The following COL9A1 variants were observed in gnomAD, a reference collection of about 807,000 sequenced individuals.
The protein encoded by COL9A1 is collagen alpha-1(IX) chain.
A neutral mutation model predicts 142.6 loss-of-function variants in COL9A1; 104 were observed. That is an observed-to-expected ratio of 0.73 (90% CI 0.62 to 0.86). The LOEUF (loss-of-function observed/expected upper bound fraction) is 0.86, where lower values mean the gene tolerates loss of function less well. Ranked by LOEUF, COL9A1 falls within the 40% of genes least tolerant of loss-of-function variation. The pLI is 0.00. For synonymous variants in COL9A1, 466 were observed against 396.0 expected (o/e 1.18, Z -2.10); for missense variants, 1,210 against 1,176.6 (o/e 1.03, Z -0.42).
intron 25 of COL9A1, among the ~76,000 whole-genome samples, chr6:70,253,762 C>T (rs1771098805): frequency 6.6e-6 from 1 of 152,140 alleles, no homozygotes; most frequent in Non-Finnish European, 1.5e-5. Flanking sequence ...CTAGGCAGGA[C>T]AGAGGCTACA....
intron 25 of COL9A1, 56 bp from the exon 26 acceptor site, chr6:70,253,485 A>T: frequency 7.9e-7 from 1 of 1,270,744 alleles, no homozygotes; most frequent in Non-Finnish European, 1.2e-6. Flanking sequence ...AATCCATGAG[A>T]TGCCAAGCCC....
chr6:70,233,763 G>A, intron 35 of COL9A1, among the ~76,000 whole-genome samples: 1 of 152,102 alleles, frequency 6.6e-6, no homozygotes, highest in Non-Finnish European at 1.5e-5. Flanking sequence ...TTCCTATTTG[G>A]TTCTGGAAAA....
chr6:70,268,807 C>T lies in COL9A1; in HGVS notation c.1284G>A (p.Met428Ile). 2 of 1,613,606 alleles carry T rather than the reference C, an allele frequency of 1.2e-6. No individual in the cohort carries two copies. The highest frequency in any genetic ancestry group is 1.7e-6 in the Non-Finnish European group (2 of 1,179,622). Residue 428 changes from methionine (M) to isoleucine (I), a missense_variant, in exon 17 of 38, where the codon ATG becomes ATA. Transcript: ENST00000357250. ...ATACTGGAAGTTATTCTCTTACCCTCATGCCTGGTAGGCCTGGATATCCTG... is the reference window on the plus strand; with the variant it reads ...ATACTGGAAGTTATTCTCTTACCCTTATGCCTGGTAGGCCTGGATATCCTG... The part of the protein sequence containing the change: ...GRSGYPGLPG[M>I]RGHKGAKGEI...
chr6:70,223,459 A>C (rs1769016124), intron 37 of COL9A1, among the ~76,000 whole-genome samples: 1 of 152,238 alleles, frequency 6.6e-6, no homozygotes, highest in Non-Finnish European at 1.5e-5. Flanking sequence ...AGTTAGTGGC[A>C]TAGTCAAAAC....
intron 28 of COL9A1, among the ~76,000 whole-genome samples, chr6:70,244,067 C>T (rs778322677): frequency 2.6e-5 from 4 of 152,158 alleles, no homozygotes; most frequent in Non-Finnish European, 4.4e-5. Flanking sequence ...GATCCATAAA[C>T]CTTCTGAATT....
chr6:70,258,533 G>A (rs747760011), intron 20 of COL9A1: 2 of 152,212 alleles, frequency 1.3e-5, no homozygotes, highest in African/African-American at 2.4e-5. Flanking sequence ...AGAGCAAAAA[G>A]CATTCTACAC....
intron 28 of COL9A1, 66 bp downstream of exon 28, chr6:70,252,054 G>A (rs1770977366): frequency 6.7e-6 from 10 of 1,493,574 alleles, no homozygotes; most frequent in Non-Finnish European, 9.3e-6. Flanking sequence ...ATGGATGAAT[G>A]AATGGAAGAA....
chr6:70,241,320 A>G (rs923048905), intron 31 of COL9A1, 99 bp downstream of exon 31: 4 of 980,960 alleles, frequency 4.1e-6, no homozygotes, highest in South Asian at 3.8e-5. Context: ...GTTAGCCTTC[A>G]TGGTTTTATT....
intron 18 of COL9A1, 99 bp downstream of exon 18, chr6:70,266,618 A>T (rs1772033409): frequency 1.1e-6 from 1 of 945,622 alleles, no homozygotes; most frequent in Admixed American, 1.7e-5. Context: ...ATGGTAAAAT[A>T]TCGAGGTTCA....
In COL9A1 at chr6:70,281,387, T is replaced by G. The variant is rs1562324444; in HGVS notation, c.876+3A>C. The G allele has an allele frequency of 6.2e-7, 1 of 1,610,516 alleles. No individual in the cohort carries two copies. The highest frequency in any genetic ancestry group is 8.5e-7 in the Non-Finnish European group (1 of 1,178,460). ...CAGAGGTGGCCTGGAGATAGAAACT[T>G]ACGTCGATGCCATCGATGCCTGGAA... is the stretch of plus-strand genomic sequence containing the variant. On this transcript the variant is annotated splice_donor_region_variant and intron_variant, in intron 8 of 37. Transcript: ENST00000357250.
intron 18 of COL9A1, among the ~76,000 whole-genome samples, chr6:70,264,515 T>G (rs562186096): frequency 6.6e-6 from 1 of 152,136 alleles, no homozygotes; most frequent in South Asian, 2.1e-4. Context: ...GCACAGATAA[T>G]CATCATGTGT....
intron 37 of COL9A1, 47 bp downstream of exon 37, chr6:70,225,885 G>T: frequency 7.2e-7 from 1 of 1,390,154 alleles, no homozygotes; most frequent in Non-Finnish European, 1.0e-6. Context: ...CTGTGTACTT[G>T]CTACCAATTT....
intron 28 of COL9A1, among the ~76,000 whole-genome samples, chr6:70,247,643 C>G (rs1320399229): frequency 6.6e-6 from 1 of 152,102 alleles, no homozygotes; most frequent in Non-Finnish European, 1.5e-5. Flanking sequence ...TTTTATAAAC[C>G]CATTTTCATG....
At position 70,229,243 on chromosome 6, in the gene COL9A1, G is replaced by A. The variant is rs560434698; in HGVS notation, c.2504-3234C>T. Among the ~76,000 whole-genome samples, 10 of 152,156 alleles carry A rather than the reference G, an allele frequency of 6.6e-5. No homozygotes were observed. The East Asian group carries it at 9.6e-4, about 15-fold the overall frequency. ...ACCATGTATACAGGTTGGTTCTATC[G>A]ACAAGGTTAATCTATTACTTCAAAC... On this transcript the variant is annotated intron_variant, in intron 36 of 37. Coordinates refer to ENST00000357250, the MANE Select transcript of COL9A1 (RefSeq NM_001851.6).
At chr6:70,251,387 A>G (rs1200081163) in intron 28 of COL9A1, among the ~76,000 whole-genome samples, 1 of 152,110 alleles carries the variant, frequency 6.6e-6, no homozygotes, top group Non-Finnish European at 1.5e-5. Context: ...TCTACAAAAA[A>G]AAATTAAAAG....
rs1287437607 is a variant in COL9A1, at chr6:70,232,609, C to G, written c.2477G>C (p.Gly826Ala). 2 of 1,614,052 alleles carry G rather than the reference C, an allele frequency of 1.2e-6. No individual in the cohort carries two copies. Among genetic ancestry groups the G allele is most frequent in the Non-Finnish European group, 8.5e-7 (1 of 1,180,012 alleles). The change falls in exon 36 of 38, where the codon GGT (glycine) becomes GCT (alanine). Residue 826 changes from glycine (G) to alanine (A), a missense_variant. Gly to Ala is a moderately conservative substitution (Grantham distance 60, BLOSUM62 0). Transcript: ENST00000357250. ...RGLPGIKGPP[G>A]ALGLRGPKGD... ...TTTAGGTCCCCTCAAACCAAGAGCA[C>G]CAGGGGGCCCCTTAATGCCCGGAAG...
intron 36 of COL9A1, among the ~76,000 whole-genome samples, chr6:70,228,327 C>A (rs1357811536): frequency 1.3e-5 from 2 of 152,078 alleles, no homozygotes; most frequent in African/African-American, 4.8e-5. Flanking sequence ...CCAAACCCAG[C>A]AACTTGACCT....
intron 37 of COL9A1, among the ~76,000 whole-genome samples, chr6:70,224,394 C>A (rs1769093972): frequency 6.6e-6 from 1 of 152,160 alleles, no homozygotes; most frequent in Non-Finnish European, 1.5e-5. Flanking sequence ...TCAATCTTCT[C>A]ATCTTTACAT....
Position 70,232,626 on chromosome 6 carries a change from G to T in COL9A1, c.2460C>A (p.Gly820=). Residue 820 remains glycine, a synonymous_variant, in exon 36 of 38, where the codon GGC becomes GGA. Coordinates refer to ENST00000357250, the MANE Select transcript of COL9A1 (RefSeq NM_001851.6). ...PGQMGIRGLP[G]IKGPPGALGL... ...CAAGAGCACCAGGGGGCCCCTTAAT[G>T]CCCGGAAGGCCACGAATTCCCATCT... 1 of 1,614,084 alleles carries T rather than the reference G, an allele frequency of 6.2e-7. No individual in the cohort carries two copies. Among genetic ancestry groups the T allele is most frequent in the Non-Finnish European group, 8.5e-7 (1 of 1,180,004 alleles).
Sources: allele counts gnomAD v4.1 joint callset (sites outside exome capture counted in the v4.1 genomes callset), GRCh38; gene constraint gnomAD v4.1.1; transcripts MANE v1.5; gene names NCBI Gene and HGNC (gene_info 2026-07-23, HGNC 2026-07-21).